The following TJP2 variants were observed in gnomAD, a reference collection of about 807,000 sequenced individuals.
The protein encoded by TJP2 is tight junction protein 2, also known as Friedreich ataxia region gene X104 (tight junction protein ZO-2).
TJP2 carries 91 observed loss-of-function variants against 133.1 expected under a neutral mutation model. That is an observed-to-expected ratio of 0.68 (90% CI 0.58 to 0.81). The LOEUF (loss-of-function observed/expected upper bound fraction) is 0.81. TJP2 is among the 40% of genes least tolerant of loss of function. The pLI is 0.00. For synonymous variants in TJP2, 592 were observed against 583.4 expected (o/e 1.01, Z -0.21); for missense variants, 1,541 against 1,565.6 (o/e 0.98, Z 0.26).
chr9:69,225,872 A>T, intron 6 of TJP2, 150 bp from the exon 7 acceptor site: 2 of 810,488 alleles, frequency 2.5e-6, no homozygotes, highest in Non-Finnish European at 3.9e-6. Flanking sequence ...ATTTAATTTA[A>T]ACGACAATTC....
intron 1 of TJP2, among the ~76,000 whole-genome samples, chr9:69,201,118 C>G (rs367555688): frequency 6.6e-6 from 1 of 152,172 alleles, no homozygotes; most frequent in African/African-American, 2.4e-5. Context: ...GGCTGTGTGA[C>G]TTCCTTTGCA....
chr9:69,207,215 T>C (rs911760566), intron 1 of TJP2, among the ~76,000 whole-genome samples: 1 of 152,252 alleles, frequency 6.6e-6, no homozygotes, highest in African/African-American at 2.4e-5. Flanking sequence ...ATTTACTGTC[T>C]GTACCATTTG....
At chr9:69,145,534 T>G in intron 1 of TJP2, 1 of 390,844 alleles carries the variant, frequency 2.6e-6, no homozygotes, top group East Asian at 3.7e-5. Flanking sequence ...CTGAAAGACG[T>G]TCTCTTTATT....
intron 1 of TJP2, among the ~76,000 whole-genome samples, chr9:69,130,628 G>A (rs576846836): frequency 1.6e-4 from 24 of 152,264 alleles, no homozygotes; most frequent in East Asian, 7.7e-4. Flanking sequence ...CTTGCATGAC[G>A]GAAGGGGCCG....
chr9:69,241,085 C>T (rs1255709719), intron 17 of TJP2, among the ~76,000 whole-genome samples: 7 of 151,982 alleles, frequency 4.6e-5, no homozygotes, highest in Non-Finnish European at 7.4e-5. Flanking sequence ...ATATGTACAT[C>T]GGAGTTCATT....
At chr9:69,171,634 AC>A (rs1363738813), upstream of TJP2, among the ~76,000 whole-genome samples, 1 of 152,102 alleles carries the variant, frequency 6.6e-6, no homozygotes, top group Non-Finnish European at 1.5e-5. Context: ...CTCCTGCTAG[AC>A]CACTCTGAGC....
intron 1 of TJP2, among the ~76,000 whole-genome samples, chr9:69,198,594 A>C (rs559613779): frequency 3.3e-5 from 5 of 152,240 alleles, no homozygotes; most frequent in Admixed American, 3.3e-4. Context: ...CTGGTGACCT[A>C]TCACAAACCC....
rs752183947 is a variant in TJP2 at position 69,249,456 on chromosome 9, C to G, written c.2962C>G (p.Pro988Ala). The change falls in exon 20 of 23, where the codon CCC (proline) becomes GCC (alanine). Residue 988 changes from proline (P) to alanine (A), a missense_variant. By Grantham distance (27) the Pro-to-Ala change is conservative. Transcript: ENST00000377245. ...CGATCAACTTAGGGACAATAGCCCG[C>G]CCCCAGCATTCAAGCCAGAGCCGCC... is the stretch of plus-strand genomic sequence containing the variant. ...SSDQLRDNSP[P>A]PAFKPEPPKA... 6 of 1,609,644 alleles carry G rather than the reference C, an allele frequency of 3.7e-6. No homozygotes were observed. In the South Asian group the frequency reaches 6.7e-5, roughly 18 times the overall value.
At chr9:69,253,071 C>A in intron 22 of TJP2, 171 bp downstream of exon 22, 1 of 655,912 alleles carries the variant, frequency 1.5e-6, no homozygotes, top group Non-Finnish European at 2.7e-6. Flanking sequence ...ATTACAGAGT[C>A]AAAACTTAAG....
intron 1 of TJP2, among the ~76,000 whole-genome samples, chr9:69,123,143 G>A (rs1257481665): frequency 2.0e-5 from 3 of 152,158 alleles, no homozygotes; most frequent in African/African-American, 4.8e-5. Context: ...TCTGTCCAGT[G>A]TCAAGGAGTG....
chr9:69,203,151 T>G (rs1827121922), intron 1 of TJP2, among the ~76,000 whole-genome samples: 1 of 151,872 alleles, frequency 6.6e-6, no homozygotes, highest in Non-Finnish European at 1.5e-5. Flanking sequence ...CCGAGTTGCC[T>G]GGGTTCTCAG....
At chr9:69,141,167 C>T (rs940759067) in intron 1 of TJP2, among the ~76,000 whole-genome samples, 1 of 152,112 alleles carries the variant, frequency 6.6e-6, no homozygotes, top group African/African-American at 2.4e-5. Flanking sequence ...TTTTTTATTT[C>T]TTAGGACTGA....
chr9:69,131,341 A>G (rs1822486991), intron 1 of TJP2, among the ~76,000 whole-genome samples: 1 of 152,174 alleles, frequency 6.6e-6, no homozygotes, highest in East Asian at 1.9e-4. Flanking sequence ...TTGACAGTCC[A>G]CGTTGTGAAG....
chr9:69,129,701 C>G (rs868643459), intron 1 of TJP2, among the ~76,000 whole-genome samples: 1 of 151,974 alleles, frequency 6.6e-6, no homozygotes, highest in Non-Finnish European at 1.5e-5. Context: ...CTTTGGGAGG[C>G]CGAGGCGTGC....
At chr9:69,235,899 C>A in intron 12 of TJP2, 129 bp from the exon 13 acceptor site, 2 of 815,754 alleles carry the variant, frequency 2.5e-6, no homozygotes, top group Non-Finnish European at 4.1e-6. Flanking sequence ...AGCTGTGACT[C>A]CCATAGGACT....
chr9:69,183,094 G>A (rs1825631264), intron 1 of TJP2, among the ~76,000 whole-genome samples: 1 of 151,972 alleles, frequency 6.6e-6, no homozygotes, highest in South Asian at 2.1e-4. Flanking sequence ...ATTGTGCCTG[G>A]CCAGGGAATT....
chr9:69,159,961 A>G (rs1205514830), intron 2 of TJP2, among the ~76,000 whole-genome samples: 1 of 151,568 alleles, frequency 6.6e-6, no homozygotes, highest in East Asian at 1.9e-4. Flanking sequence ...ATATATAGCA[A>G]TAAAGAGGGA....
At chr9:69,215,358 G>A (rs1435662085) in intron 2 of TJP2, among the ~76,000 whole-genome samples, 2 of 151,528 alleles carry the variant, frequency 1.3e-5, no homozygotes, top group East Asian at 3.9e-4. Context: ...ACTGGGAAGA[G>A]CAGTCTTTTC....
chr9:69,251,442 TTGC>T, intron 21 of TJP2, 78 bp downstream of exon 21: 1 of 1,453,066 alleles, frequency 6.9e-7, no homozygotes, highest in Non-Finnish European at 9.4e-7. Context: ...AACAGCCCCT[TTGC>T]TGCTGCTGCA....
Sources: allele counts gnomAD v4.1 joint callset (sites outside exome capture counted in the v4.1 genomes callset), GRCh38; gene constraint gnomAD v4.1.1; transcripts MANE v1.5; gene names NCBI Gene and HGNC (gene_info 2026-07-23, HGNC 2026-07-21).